RGL1: variants seen among roughly 807,000 people sequenced by gnomAD.
RGL1 encodes ral guanine nucleotide dissociation stimulator-like 1.
Under a neutral mutation model 95.2 loss-of-function variants are expected in RGL1, and 24 were observed. The ratio of observed to expected loss-of-function variants is 0.25; its 90% CI spans 0.18 to 0.35. The LOEUF is 0.35. Among genes scored for constraint, RGL1 ranks in the 10% least tolerant of loss-of-function variants. The pLI is 1.00. For missense variants in RGL1, 715 were observed against 936.3 expected, an observed-to-expected ratio of 0.76 and a Z score of 3.08; for synonymous variants, 329 against 344.9, an observed-to-expected ratio of 0.95 and a Z score of 0.51.
chr1:183,697,381 T>C (rs1192423065), intron 1 of RGL1, among the ~76,000 whole-genome samples: 2 of 152,258 alleles, frequency 1.3e-5, no homozygotes, highest in Non-Finnish European at 2.9e-5. Context: ...TATTTATTTT[T>C]ATTGTCTTCC....
At chr1:183,741,375 G>A (rs1657293556) in intron 1 of RGL1, among the ~76,000 whole-genome samples, 1 of 152,186 alleles carries the variant, frequency 6.6e-6, no homozygotes, top group African/African-American at 2.4e-5. Context: ...TTCTGAGCAA[G>A]CCAGTGGTGG....
chr1:183,707,646 G>T (rs1420437523), intron 1 of RGL1, among the ~76,000 whole-genome samples: 2 of 151,956 alleles, frequency 1.3e-5, no homozygotes, highest in African/African-American at 4.8e-5. Context: ...GCAAGCCTCA[G>T]GAGAGGGCGC....
rs1650763136 is a variant in RGL1 at position 183,651,659 on chromosome 1, G to C, written c.-33+15158G>C. Among the ~76,000 whole-genome samples the C allele has an allele frequency of 2.0e-5, 3 of 152,208 alleles. No individual in the cohort carries two copies. The South Asian group carries it at 6.2e-4, about 31-fold the overall frequency. On this transcript the variant is annotated intron_variant, in intron 1 of 18. Coordinates refer to the RGL1 transcript ENST00000304685. The stretch of plus-strand genomic sequence containing the variant: ...AGATTCTAGATTTCTCCTAGCCTCT[G>C]CTGTGTCATCTTAATCCATAGGATT...
chr1:183,849,834 G>T (rs1664720982), intron 3 of RGL1, among the ~76,000 whole-genome samples: 1 of 152,132 alleles, frequency 6.6e-6, no homozygotes, highest in South Asian at 2.1e-4. Context: ...GAGCATTTTT[G>T]AATATATATC....
In RGL1 at chr1:183,928,350, C is replaced by T. The variant is rs1018625862; in HGVS notation, c.*2058C>T. ...CAATGGAAATTCCAAGTAGCTAAAA[C>T]TTAGCTTCATTTATTTAATGCCACT... On this transcript the variant is annotated 3_prime_UTR_variant, in exon 18 of 18. Coordinates refer to ENST00000360851, the MANE Select transcript of RGL1 (RefSeq NM_001297671.3). 8.5e-5 allele frequency: 13 copies of T among 152,422 alleles called. No homozygotes were observed. The highest frequency in any genetic ancestry group is 3.1e-4 in the African/African-American group (13 of 41,366). The allele number at this position is 152,422 out of a possible 1,614,324, so 9.4% of individuals were successfully genotyped here.
Position 183,897,548 on chromosome 1 carries a change from CA to C in RGL1, c.1141-246del, listed in dbSNP as rs756374573. On this transcript the variant is annotated intron_variant, in intron 9 of 17. Coordinates refer to ENST00000360851, the MANE Select transcript of RGL1 (RefSeq NM_001297671.3). Reference sequence around the variant, plus strand: ...TTCCCAGCAGAGTGAGACTTCGTCTCAAAAAAAAAAAAAACAAAGTTGGGGG... The same window carrying C: ...TTCCCAGCAGAGTGAGACTTCGTCTCAAAAAAAAAAAAACAAAGTTGGGGG... 9.9e-3 allele frequency among the ~76,000 whole-genome samples: 1,032 copies of C among 104,010 alleles called. 9 individuals carry two copies. Among genetic ancestry groups the C allele is most frequent in the African/African-American group, 0.022 (634 of 29,262 alleles). 68.2% of individuals were successfully genotyped at this position (104,010 alleles called of 152,430 possible).
exon 2 of RGL1, chr1:183,742,193 G>A (rs1208953162): frequency 1.9e-6 from 3 of 1,614,078 alleles, no homozygotes; most frequent in African/African-American, 1.3e-5. Flanking sequence ...CTACTCAAGA[G>A]GTGTCTAAAT....
At chr1:183,659,183 G>A (rs1446972995) in intron 1 of RGL1, among the ~76,000 whole-genome samples, 12 of 152,098 alleles carry the variant, frequency 7.9e-5, no homozygotes, top group South Asian at 2.1e-4. Context: ...GCTCCTCACC[G>A]GCAATGGAAC....
chr1:183,772,912 G>A (rs1158541125), intron 2 of RGL1, among the ~76,000 whole-genome samples: 2 of 150,612 alleles, frequency 1.3e-5, no homozygotes, highest in Non-Finnish European at 3.0e-5. Flanking sequence ...GGGAGGCTGA[G>A]GCAGGAGAAT....
intron 2 of RGL1, among the ~76,000 whole-genome samples, chr1:183,756,796 C>T (rs149551294): frequency 2.6e-4 from 39 of 152,036 alleles, no homozygotes; most frequent in Non-Finnish European, 5.0e-4. Flanking sequence ...GATAGGTCAC[C>T]CCCTTAGTCT....
intron 2 of RGL1, among the ~76,000 whole-genome samples, chr1:183,799,515 A>T (rs1247763188): frequency 6.6e-6 from 1 of 152,112 alleles, no homozygotes; most frequent in East Asian, 1.9e-4. Flanking sequence ...GTATGTGTTG[A>T]TATCTCATTC....
rs778717398 is a variant in RGL1, at chr1:183,892,109, A to G, written c.1088A>G (p.Asp363Gly). 6.8e-6 allele frequency: 11 copies of G among 1,612,818 alleles called. No homozygotes were observed. Among genetic ancestry groups the G allele is most frequent in the Non-Finnish European group, 9.3e-6 (11 of 1,179,340 alleles). Residue 363 changes from aspartate (D) to glycine (G), a missense_variant, in exon 9 of 18, where the codon GAT becomes GGT. Coordinates refer to ENST00000360851, the MANE Select transcript of RGL1 (RefSeq NM_001297671.3). The part of the protein sequence containing the change: ...DRMLMFEELS[D>G]IFSDHNNHLT... ...ATGCTGATGTTTGAAGAACTTTCAGATATCTTCTCAGACCATAATAACCAT... is the reference window on the plus strand; with the variant it reads ...ATGCTGATGTTTGAAGAACTTTCAGGTATCTTCTCAGACCATAATAACCAT...
At chr1:183,755,152 T>G (rs931217909) in intron 2 of RGL1, among the ~76,000 whole-genome samples, 1 of 152,112 alleles carries the variant, frequency 6.6e-6, no homozygotes, top group Non-Finnish European at 1.5e-5. Flanking sequence ...ACTTACCTTT[T>G]GAAAATTACT....
intron 1 of RGL1, among the ~76,000 whole-genome samples, chr1:183,675,739 A>G (rs1175407480): frequency 2.6e-5 from 4 of 152,142 alleles, no homozygotes; most frequent in Non-Finnish European, 5.9e-5. Context: ...TGTAATGCCT[A>G]TCCTCTGCTC....
chr1:183,853,078 G>A (rs1422233220), intron 3 of RGL1, among the ~76,000 whole-genome samples: 2 of 151,482 alleles, frequency 1.3e-5, no homozygotes, highest in African/African-American at 4.9e-5. Flanking sequence ...GCTCATGCTT[G>A]TAATCCCAGC....
intron 2 of RGL1, among the ~76,000 whole-genome samples, chr1:183,746,997 A>G (rs1482754841): frequency 2.0e-5 from 3 of 151,904 alleles, no homozygotes; most frequent in African/African-American, 7.3e-5. Flanking sequence ...TCTTTTTTTT[A>G]TGGCTGCATT....
intron 2 of RGL1, among the ~76,000 whole-genome samples, chr1:183,786,911 A>C (rs552426369): frequency 1.3e-5 from 2 of 152,350 alleles, no homozygotes; most frequent in African/African-American, 4.8e-5. Context: ...AGCATCTTGC[A>C]AATTGAAAAG....
At chr1:183,668,001 A>G (rs1652159737) in intron 1 of RGL1, among the ~76,000 whole-genome samples, 1 of 56,882 alleles carries the variant, frequency 1.8e-5, no homozygotes, top group Admixed American at 1.7e-4. Context: ...ATGCTTATAT[A>G]TATGTGTGTG....
At position 183,699,469 on chromosome 1, in the gene RGL1, G is replaced by C. The variant is rs114936200; in HGVS notation, c.-32-42657G>C. ...TTTCTGTATAATCAGTCTATTTAGA[G>C]TGGAGCAAGTGATGAAATTTAATGT... On this transcript the variant is annotated intron_variant, in intron 1 of 18. Transcript: ENST00000304685. Among the ~76,000 whole-genome samples, 1,001 of 152,250 alleles carry C rather than the reference G, an allele frequency of 6.6e-3. 11 individuals are homozygous for C. The highest frequency in any genetic ancestry group is 0.022 in the African/African-American group (927 of 41,538).
Sources: allele counts gnomAD v4.1 joint callset (sites outside exome capture counted in the v4.1 genomes callset), GRCh38; gene constraint gnomAD v4.1.1; transcripts MANE v1.5; gene names NCBI Gene and HGNC (gene_info 2026-07-23, HGNC 2026-07-21).